The following MMD2 variants were observed in gnomAD, a reference collection of about 807,000 sequenced individuals.
The protein encoded by MMD2 is monocyte to macrophage differentiation factor 2.
MMD2 carries 30 observed loss-of-function variants against 33.5 expected under a neutral mutation model. That is an observed-to-expected ratio of 0.90 (90% confidence interval 0.67 to 1.22). The LOEUF is 1.22. Ranked by LOEUF, MMD2 falls within the 50% of genes most tolerant of loss-of-function variation. MMD2 has a pLI of 0.00. For missense variants in MMD2, 364 were observed against 325.4 expected, an observed-to-expected ratio of 1.12 and a Z score of -0.91; for synonymous variants, 129 against 123.0, an observed-to-expected ratio of 1.05 and a Z score of -0.32.
At chr7:4,893,976 T>C in the MMD2 span, among the ~76,000 whole-genome samples, 1 of 152,172 alleles carries the variant, frequency 6.6e-6, no homozygotes, top group African/African-American at 2.4e-5. Context: ...CACCCTGTTT[T>C]ATCAGCAAGG....
At chr7:4,905,786 C>A (rs1784856240), downstream of MMD2, among the ~76,000 whole-genome samples, 1 of 152,152 alleles carries the variant, frequency 6.6e-6, no homozygotes, top group East Asian at 1.9e-4. The surrounding 1 kb of genome is among the most constrained non-coding windows in gnomAD (Gnocchi z 5.0). Flanking sequence ...AGCCCTGACC[C>A]CAGCTGGTGG....
At position 4,907,449 on chromosome 7, in the gene MMD2, T is replaced by C. The variant is rs772496256; in HGVS notation, c.688A>G (p.Ile230Val). ...AFGAGTHYYA[I>V]WRYLYLPSTL... is the part of the protein sequence containing the mutation. ...CTGGGCAGATAGAGGTACCTCCAGA[T>C]GGCATAGTAGTGGGTACCAGCACCA... Residue 230 changes from isoleucine (I) to valine (V), a missense_variant, in exon 7 of 7, where the codon ATC (isoleucine) becomes GTC (valine). By Grantham distance (29) the Ile-to-Val change is conservative. Coordinates refer to ENST00000401401, the MANE Select transcript of MMD2 (RefSeq NM_198403.4). 22 of 1,613,840 alleles carry C rather than the reference T, an allele frequency of 1.4e-5. No homozygotes were observed. Among genetic ancestry groups the C allele is most frequent in the Non-Finnish European group, 1.8e-5 (21 of 1,179,894 alleles).
At chr7:4,908,896 C>CAAAAA (rs765437583) in intron 6 of MMD2, among the ~76,000 whole-genome samples, 6 of 75,680 alleles carry the variant, frequency 7.9e-5, no homozygotes, top group African/African-American at 2.7e-4. Flanking sequence ...GACTCCATCT[C>CAAAAA]AAAAAAAAAA....
intron 5 of MMD2, among the ~76,000 whole-genome samples, chr7:4,910,623 GTTT>G (rs1180556935): frequency 6.6e-6 from 1 of 151,678 alleles, no homozygotes; most frequent in African/African-American, 2.4e-5. Flanking sequence ...AGGAACCTAT[GTTT>G]TTTTGTTGTT....
chr7:4,925,192 A>C (rs1042526387), intron 2 of MMD2, among the ~76,000 whole-genome samples: 1 of 152,028 alleles, frequency 6.6e-6, no homozygotes, highest in South Asian at 2.1e-4. Context: ...CAGCCTTCCA[A>C]AGTGCTGGAA....
chr7:4,925,677 G>C, intron 1 of MMD2, 145 bp from the exon 2 acceptor site: 1 of 502,428 alleles, frequency 2.0e-6, no homozygotes, highest in Non-Finnish European at 3.5e-6. Flanking sequence ...CTCTCTCTCT[G>C]TCTTCTTCCT....
intron 4 of MMD2, among the ~76,000 whole-genome samples, chr7:4,911,701 T>C (rs1329815116): frequency 1.3e-5 from 2 of 152,044 alleles, no homozygotes; most frequent in African/African-American, 4.8e-5. Context: ...CAGGCTGCAG[T>C]GTAGTGGCAC....
At chr7:4,893,403 T>C in the MMD2 span, among the ~76,000 whole-genome samples, 9 of 149,658 alleles carry the variant, frequency 6.0e-5, no homozygotes, top group African/African-American at 2.2e-4. Context: ...TTTATTTATT[T>C]ATTTTTGAGA....
intron 4 of MMD2, 77 bp from the exon 5 acceptor site, chr7:4,911,323 C>A: frequency 1.7e-6 from 2 of 1,206,560 alleles, no homozygotes; most frequent in South Asian, 1.3e-5. Context: ...CGGCCTGTCA[C>A]AGGAAATGGA....
At chr7:4,957,651 G>GAA (rs35465709) in intron 1 of MMD2, among the ~76,000 whole-genome samples, 36 of 143,664 alleles carry the variant, frequency 2.5e-4, no homozygotes, top group Admixed American at 3.5e-4. Context: ...CTCCATCTCA[G>GAA]AAAAAAAAAA....
At chr7:4,956,259 C>A (rs1786379358) in intron 1 of MMD2, among the ~76,000 whole-genome samples, 2 of 151,802 alleles carry the variant, frequency 1.3e-5, no homozygotes, top group African/African-American at 4.8e-5. Context: ...CCCATCTTTA[C>A]AGATACTTTT....
chr7:4,916,403 G>C (rs1288560677), intron 3 of MMD2, among the ~76,000 whole-genome samples: 1 of 98,472 alleles, frequency 1.0e-5, no homozygotes, highest in African/African-American at 4.1e-5. Flanking sequence ...TTTTTTTTAA[G>C]ATAAGGTCTT....
Position 4,906,673 on chromosome 7 carries a change from C to A in MMD2, c.*723G>T, listed in dbSNP as rs1292075954. ...CCCTCTACCGCCCCCAAACTGCCTA[C>A]TCCAGGAGTTTCCCAAAAGGGAGGG... On this transcript the variant is annotated 3_prime_UTR_variant, in exon 7 of 7. Coordinates refer to ENST00000401401, the MANE Select transcript of MMD2 (RefSeq NM_198403.4). 3 of 397,548 alleles carry A rather than the reference C, an allele frequency of 7.5e-6. No homozygotes were observed. The highest frequency in any genetic ancestry group is 1.3e-5 in the Non-Finnish European group (3 of 225,716). The allele number at this position is 397,548 out of a possible 1,614,324, so 24.6% of individuals were successfully genotyped here.
chr7:4,895,261 A>G, the MMD2 span, among the ~76,000 whole-genome samples: 1 of 151,836 alleles, frequency 6.6e-6, no homozygotes, highest in Non-Finnish European at 1.5e-5. Flanking sequence ...ATTTTTAGTA[A>G]AGACGGGTTT....
At chr7:4,929,881 G>C (rs12672012) in intron 1 of MMD2, among the ~76,000 whole-genome samples, 22,667 of 151,988 alleles carry the variant, frequency 0.15, 1,918 homozygotes, top group East Asian at 0.29. Flanking sequence ...GGGTTGAACC[G>C]TGTCCTCCCA....
At chr7:4,930,667 CAGAG>C (rs1355734534) in intron 1 of MMD2, among the ~76,000 whole-genome samples, 1 of 130,104 alleles carries the variant, frequency 7.7e-6, no homozygotes, top group Non-Finnish European at 1.6e-5. Flanking sequence ...AGGAAAGAGA[CAGAG>C]AGGACAACAT....
intron 5 of MMD2, among the ~76,000 whole-genome samples, chr7:4,910,772 G>A (rs952835763): frequency 2.0e-5 from 3 of 152,070 alleles, no homozygotes; most frequent in Non-Finnish European, 4.4e-5. Context: ...GGGATTACAG[G>A]CACCCATCAT....
chr7:4,936,485 G>A (rs1199127200), intron 1 of MMD2, among the ~76,000 whole-genome samples: 1 of 152,066 alleles, frequency 6.6e-6, no homozygotes, highest in Non-Finnish European at 1.5e-5. Flanking sequence ...TTTGATTTGT[G>A]TTGTTTGAAT....
downstream of MMD2, among the ~76,000 whole-genome samples, chr7:4,905,289 G>A (rs1232788821): frequency 6.8e-6 from 1 of 147,386 alleles, no homozygotes; most frequent in Non-Finnish European, 1.5e-5. The surrounding 1 kb of genome is among the most constrained non-coding windows in gnomAD (Gnocchi z 5.0). Flanking sequence ...AGAGGAAGAA[G>A]AAGAAGAAGA....
Sources: allele counts gnomAD v4.1 joint callset (sites outside exome capture counted in the v4.1 genomes callset), GRCh38; gene constraint gnomAD v4.1.1; non-coding constraint Gnocchi (gnomAD v3.1); transcripts MANE v1.5; gene names NCBI Gene and HGNC (gene_info 2026-07-23, HGNC 2026-07-21).